CST7: variants seen among roughly 807,000 people sequenced by gnomAD.
CST7 encodes cystatin F.
A neutral mutation model predicts 13.1 loss-of-function variants in CST7; 15 were observed. The ratio of observed to expected loss-of-function variants is 1.14; its 90% CI spans 0.77 to 1.76. The LOEUF is 1.76. Ranked by LOEUF, CST7 falls within the 40% of genes most tolerant of loss-of-function variation. CST7 has a pLI of 0.00. For missense variants in CST7, 193 were observed against 178.8 expected (o/e 1.08, Z -0.45); for synonymous variants, 75 against 66.9 (o/e 1.12, Z -0.59).
In CST7 at chr20:24,957,357, AG is replaced by A. The variant is rs1188260666; in HGVS notation, c.143del (p.Gly48GlufsTer32). The stretch of plus-strand genomic sequence containing the variant: ...CTAAAACAATAAAGACCAATGACCC[AG>A]GAGTCCTCCAAGCAGCCAGATACAG... The part of the protein sequence containing the change: ...FPKTIKTNDP[G>X]VLQAARYSVE... On this transcript the variant is annotated frameshift_variant, in exon 2 of 4. Coordinates refer to ENST00000480798, the MANE Select transcript of CST7 (RefSeq NM_003650.4). LOFTEE classifies it high-confidence loss of function. 1 of 1,613,818 alleles carries A rather than the reference AG, an allele frequency of 6.2e-7. No individual in the cohort carries two copies. Among genetic ancestry groups the A allele is most frequent in the East Asian group, 2.2e-5 (1 of 44,872 alleles).
chr20:24,952,660 G>A (rs563192830), intron 1 of CST7, among the ~76,000 whole-genome samples: 4 of 152,302 alleles, frequency 2.6e-5, no homozygotes, highest in South Asian at 2.1e-4. Flanking sequence ...GATGGGGGCC[G>A]ATGGGGCCCC....
chr20:24,952,482 G>A (rs6106977), intron 1 of CST7, among the ~76,000 whole-genome samples: 13,663 of 152,288 alleles, frequency 0.09, 696 homozygotes, highest in Middle Eastern at 0.11. Context: ...GCGGGCAGGT[G>A]TGGCCCCAAG....
intron 1 of CST7, among the ~76,000 whole-genome samples, chr20:24,950,167 TC>T (rs1278237869): frequency 6.6e-6 from 1 of 152,058 alleles, no homozygotes; most frequent in African/African-American, 2.4e-5. Flanking sequence ...CAACCTGCTC[TC>T]CCCCAAAGGG....
chr20:24,956,849 T>C (rs1435439323), intron 1 of CST7, among the ~76,000 whole-genome samples: 1 of 151,800 alleles, frequency 6.6e-6, no homozygotes, highest in Non-Finnish European at 1.5e-5. Flanking sequence ...GGATCTCACC[T>C]GTGGGACATG....
chr20:24,953,305 G>C (rs2087832341), intron 1 of CST7, among the ~76,000 whole-genome samples: 1 of 152,202 alleles, frequency 6.6e-6, no homozygotes, highest in South Asian at 2.1e-4. Flanking sequence ...TGGGGCCCGG[G>C]TTTTTAAGGG....
intron 1 of CST7, 34 bp from the exon 2 acceptor site, chr20:24,957,253 T>C (rs755993373): frequency 1.2e-6 from 2 of 1,600,952 alleles, no homozygotes; most frequent in East Asian, 2.2e-5. Context: ...CCCACTAACA[T>C]CAGTGTTCTT....
chr20:24,959,379 G>A lies in CST7; in HGVS notation c.361-256G>A, dbSNP rs1029877369. Among the ~76,000 whole-genome samples the A allele has an allele frequency of 3.3e-5, 5 of 152,100 alleles. No homozygotes were observed. In the East Asian group the frequency reaches 5.8e-4, roughly 18 times the overall value. On this transcript the variant is annotated intron_variant, in intron 3 of 3. Coordinates refer to ENST00000480798, the MANE Select transcript of CST7 (RefSeq NM_003650.4). ...TGTATCATATACATACATATGATAT[G>A]TATCATATGTATATCATATATAGCA...
At chr20:24,958,488 G>A (rs936823365) in intron 2 of CST7, among the ~76,000 whole-genome samples, 12 of 152,186 alleles carry the variant, frequency 7.9e-5, no homozygotes, top group Non-Finnish European at 1.2e-4. Flanking sequence ...TGAACAAGGC[G>A]GCTGCCATAT....
At position 24,949,994 on chromosome 20, in the gene CST7, C is replaced by T. The variant is rs116067491; in HGVS notation, c.70+419C>T. ...TGGCTGTTGTCCTGTGACTTGGCTC[C>T]AGGGACCCTAACGATCAGACTCTTT... is the stretch of plus-strand genomic sequence containing the variant. On this transcript the variant is annotated intron_variant, in intron 1 of 3. Coordinates refer to ENST00000480798, the MANE Select transcript of CST7 (RefSeq NM_003650.4). Among the ~76,000 whole-genome samples the T allele has an allele frequency of 3.8e-3, 586 of 152,318 alleles. 1 individual carries two copies. The highest frequency in any genetic ancestry group is 0.013 in the African/African-American group (555 of 41,570).
Position 24,959,816 on chromosome 20 carries a change from C to G in CST7, c.*104C>G. On this transcript the variant is annotated 3_prime_UTR_variant, in exon 4 of 4. Transcript: ENST00000480798. ...ACCCAGCCTCACAGACCCTCTCAGG[C>G]CTCTGACGAGTGAGCGGGTGAAGTG... The G allele has an allele frequency of 8.4e-7, 1 of 1,189,368 alleles. No individual in the cohort carries two copies. The highest frequency in any genetic ancestry group is 1.2e-6 in the Non-Finnish European group (1 of 800,782). 73.7% of individuals were successfully genotyped at this position (1,189,368 alleles called of 1,614,324 possible).
At chr20:24,955,981 G>A (rs1161029835) in intron 1 of CST7, among the ~76,000 whole-genome samples, 2 of 152,228 alleles carry the variant, frequency 1.3e-5, no homozygotes, top group African/African-American at 4.8e-5. Context: ...CCAAAGCCCA[G>A]CCATGAAGCT....
In CST7 at chr20:24,949,482, C is replaced by T. The variant is rs766936580; in HGVS notation, c.-24C>T. 13 of 1,613,974 alleles carry T rather than the reference C, an allele frequency of 8.1e-6. No homozygotes were observed. Among genetic ancestry groups the T allele is most frequent in the African/African-American group, 2.7e-5 (2 of 74,948 alleles). On this transcript the variant is annotated 5_prime_UTR_variant, in exon 1 of 4. Transcript: ENST00000480798. Reference sequence around the variant, plus strand: ...ACTGCACGGCCACCCCCAACTGCCCCGCACTGTCCCTACCCGGGCAGCCAT... The same window carrying T: ...ACTGCACGGCCACCCCCAACTGCCCTGCACTGTCCCTACCCGGGCAGCCAT...
intron 1 of CST7, among the ~76,000 whole-genome samples, chr20:24,956,884 A>G (rs1041037469): frequency 1.3e-5 from 2 of 150,726 alleles, no homozygotes; most frequent in Non-Finnish European, 3.0e-5. Context: ...CTTACGTTGG[A>G]AATAACCCTG....
At chr20:24,952,476 G>C (rs2122444808) in intron 1 of CST7, among the ~76,000 whole-genome samples, 1 of 152,352 alleles carries the variant, frequency 6.6e-6, no homozygotes, top group African/African-American at 2.4e-5. Context: ...AGCACAGCGG[G>C]CAGGTGTGGC....
At chr20:24,949,687 A>G in intron 1 of CST7, 112 bp downstream of exon 1, 1 of 1,392,816 alleles carries the variant, frequency 7.2e-7, no homozygotes, top group Non-Finnish European at 9.8e-7. Flanking sequence ...CCACAGGACC[A>G]TGCGGTGGTG....
At chr20:24,957,026 G>GGCGAT (rs1568806065) in intron 1 of CST7, among the ~76,000 whole-genome samples, 2 of 102,822 alleles carry the variant, frequency 1.9e-5, no homozygotes, top group Non-Finnish European at 4.2e-5. Flanking sequence ...GGGCAGGTGA[G>GGCGAT]GGGAGCAGGT....
At position 24,949,518 on chromosome 20, in the gene CST7, G is replaced by A. The variant is rs1392569857; in HGVS notation, c.13G>A (p.Gly5Arg). 6.2e-7 allele frequency: 1 copy of A among 1,614,042 alleles called. No individual in the cohort carries two copies. The highest frequency in any genetic ancestry group is 1.3e-5 in the African/African-American group (1 of 74,952). Residue 5 changes from glycine to arginine, a missense_variant, in exon 1 of 4, where the codon GGA becomes AGA. By Grantham distance (125) the Gly-to-Arg change is moderately radical (BLOSUM62 -2). Coordinates refer to ENST00000480798, the MANE Select transcript of CST7 (RefSeq NM_003650.4). Reference sequence around the variant, plus strand: ...TACCCGGGCAGCCATGCGAGCGGCTGGAACTCTGCTGGCCTTCTGCTGCCT... The same window carrying A: ...TACCCGGGCAGCCATGCGAGCGGCTAGAACTCTGCTGGCCTTCTGCTGCCT... MRAA[G>R]TLLAFCCLVL... is the part of the protein sequence containing the mutation.
chr20:24,959,878 TGGTA>T lies in CST7; in HGVS notation c.*168_*171del. The stretch of plus-strand genomic sequence containing the variant: ...CCGCAGGGCAGCTGGAATGGCAGCA[TGGTA>T]GCACCTCCTAACAGATTAAATAGAT... On this transcript the variant is annotated 3_prime_UTR_variant, in exon 4 of 4. Coordinates refer to ENST00000480798, the MANE Select transcript of CST7 (RefSeq NM_003650.4). 1 of 655,808 alleles carries T rather than the reference TGGTA, an allele frequency of 1.5e-6. No individual in the cohort carries two copies. Among genetic ancestry groups the T allele is most frequent in the Non-Finnish European group, 2.8e-6 (1 of 360,884 alleles). The allele number at this position is 655,808 out of a possible 1,614,324, so 40.6% of individuals were successfully genotyped here.
At chr20:24,950,681 T>A (rs1568803915) in intron 1 of CST7, among the ~76,000 whole-genome samples, 1 of 152,058 alleles carries the variant, frequency 6.6e-6, no homozygotes, top group Admixed American at 6.5e-5. Context: ...GGGGACAGCA[T>A]ACCCGGCCCT....
Sources: allele counts gnomAD v4.1 joint callset (sites outside exome capture counted in the v4.1 genomes callset), GRCh38; gene constraint gnomAD v4.1.1; transcripts MANE v1.5; gene names NCBI Gene and HGNC (gene_info 2026-07-23, HGNC 2026-07-21).